Variants in LINGO2 observed in about 807,000 individuals in gnomAD.
LINGO2 encodes the protein leucine-rich repeat and immunoglobulin-like domain-containing nogo receptor-interacting protein 2.
Under a neutral mutation model 30.6 loss-of-function variants are expected in LINGO2, and 14 were observed. The observed-to-expected ratio is 0.46, with a 90% CI of 0.30 to 0.72. The LOEUF (loss-of-function observed/expected upper bound fraction) is 0.72. Ranked by LOEUF, LINGO2 falls within the 30% of genes least tolerant of loss-of-function variation. LINGO2 has a pLI of 0.07. For synonymous variants in LINGO2, 317 were observed against 288.5 expected (o/e 1.10, Z -1.00); for missense variants, 729 against 751.7 (o/e 0.97, Z 0.35).
At chr9:28,919,341 T>A in the LINGO2 span, among the ~76,000 whole-genome samples, 1 of 152,172 alleles carries the variant, frequency 6.6e-6, no homozygotes, top group Non-Finnish European at 1.5e-5. Context: ...CTACATTTTC[T>A]GCCTCAGTAG....
At chr9:28,243,469 A>AAG (rs1554691900) in intron 4 of LINGO2, among the ~76,000 whole-genome samples, 54 of 145,194 alleles carry the variant, frequency 3.7e-4, no homozygotes, top group Non-Finnish European at 5.8e-4. Flanking sequence ...AAAAATAAAA[A>AAG]AAGAAGAAGA....
the LINGO2 span, among the ~76,000 whole-genome samples, chr9:28,677,622 C>T: frequency 6.6e-6 from 1 of 152,156 alleles, no homozygotes; most frequent in Non-Finnish European, 1.5e-5. Context: ...ACTATACTGT[C>T]TAACGCTCTC....
At chr9:28,351,555 G>A (rs866534669) in intron 3 of LINGO2, among the ~76,000 whole-genome samples, 1,723 of 143,248 alleles carry the variant, frequency 0.012, 24 homozygotes, top group African/African-American at 0.043. Context: ...ATTCACAGCC[G>A]AATTCTACCA....
At chr9:28,605,022 G>T (rs2135759639) in intron 1 of LINGO2, among the ~76,000 whole-genome samples, 1 of 151,980 alleles carries the variant, frequency 6.6e-6, no homozygotes, top group Admixed American at 6.6e-5. Flanking sequence ...CTGAGGAATA[G>T]CTAAATCTGA....
intron 2 of LINGO2, among the ~76,000 whole-genome samples, chr9:28,471,651 C>A (rs1479613013): frequency 2.0e-5 from 3 of 152,134 alleles, no homozygotes; most frequent in African/African-American, 7.2e-5. Context: ...AAACAAAAAT[C>A]TCTGATAATT....
the LINGO2 span, among the ~76,000 whole-genome samples, chr9:28,841,808 C>A: frequency 6.6e-6 from 1 of 151,580 alleles, no homozygotes; most frequent in Non-Finnish European, 1.5e-5. Flanking sequence ...CAAGGTATAG[C>A]CACTCAAGAA....
intron 2 of LINGO2, among the ~76,000 whole-genome samples, chr9:28,415,688 G>A (rs1822939132): frequency 6.6e-6 from 1 of 152,114 alleles, no homozygotes; most frequent in South Asian, 2.1e-4. Context: ...GCTGTATCTT[G>A]TAACACTTTC....
At chr9:28,313,951 T>A (rs1824731641) in intron 3 of LINGO2, among the ~76,000 whole-genome samples, 1 of 152,122 alleles carries the variant, frequency 6.6e-6, no homozygotes, top group Admixed American at 6.5e-5. Context: ...TTTTTTTGTT[T>A]TAGATGGAGT....
At chr9:28,747,131 C>T in the LINGO2 span, among the ~76,000 whole-genome samples, 1 of 151,866 alleles carries the variant, frequency 6.6e-6, no homozygotes, top group Non-Finnish European at 1.5e-5. Flanking sequence ...ATCCTGTACC[C>T]ATATAAACCC....
the LINGO2 span, among the ~76,000 whole-genome samples, chr9:28,877,870 C>T: frequency 6.6e-6 from 1 of 152,148 alleles, no homozygotes; most frequent in African/African-American, 2.4e-5. Context: ...GATATTGATT[C>T]TTCCTACCAA....
In LINGO2 at chr9:28,631,198, T is replaced by C. The variant is rs548378294; in HGVS notation, c.-365+39002A>G. On this transcript the variant is annotated intron_variant, in intron 1 of 5. Coordinates refer to ENST00000379992, the Ensembl canonical transcript of LINGO2. ...ATTATACTTTAAGTTCTAGGGTACATGTGCACAAGGTGCAGGTTTGTTACA... is the reference window on the plus strand; with the variant it reads ...ATTATACTTTAAGTTCTAGGGTACACGTGCACAAGGTGCAGGTTTGTTACA... Among the ~76,000 whole-genome samples the C allele has an allele frequency of 1.8e-4, 27 of 152,162 alleles. No individual in the cohort carries two copies. The South Asian group carries it at 5.0e-3, about 28-fold the overall frequency.
chr9:28,179,607 G>GTATATATACTATATATAGTATTTTATAC (rs1828854563), intron 4 of LINGO2, among the ~76,000 whole-genome samples: 4 of 122,850 alleles, frequency 3.3e-5, no homozygotes, highest in African/African-American at 8.8e-5. Context: ...ATACTATAGT[G>GTATATATACTATATATAGTATTTTATAC]TATATATACT....
chr9:28,010,023 AAAG>A (rs1408346563), intron 5 of LINGO2, among the ~76,000 whole-genome samples: 2 of 152,214 alleles, frequency 1.3e-5, no homozygotes, highest in Non-Finnish European at 2.9e-5. Context: ...GTATCTATGC[AAAG>A]AAGTATCCTT....
At chr9:28,108,603 A>C (rs1826669346) in intron 4 of LINGO2, among the ~76,000 whole-genome samples, 1 of 152,080 alleles carries the variant, frequency 6.6e-6, no homozygotes, top group South Asian at 2.1e-4. Context: ...GCCTCTTAGT[A>C]CTTCCCTCTT....
intron 3 of LINGO2, among the ~76,000 whole-genome samples, chr9:28,307,823 A>G: frequency 6.6e-6 from 1 of 152,198 alleles, no homozygotes; most frequent in Non-Finnish European, 1.5e-5. Context: ...GTGAACTCCT[A>G]TTCACAATTG....
chr9:29,052,131 T>C, the LINGO2 span, among the ~76,000 whole-genome samples: 2 of 152,122 alleles, frequency 1.3e-5, no homozygotes, highest in Admixed American at 6.6e-5. Flanking sequence ...TAAATAACAA[T>C]AGAATCTTAT....
the LINGO2 span, among the ~76,000 whole-genome samples, chr9:28,985,783 C>T: frequency 6.6e-6 from 1 of 151,958 alleles, no homozygotes; most frequent in African/African-American, 2.4e-5. Flanking sequence ...CAGAATGCAT[C>T]GTTTGCAAAT....
chr9:28,583,604 A>C (rs1008689696), intron 1 of LINGO2, among the ~76,000 whole-genome samples: 2 of 151,982 alleles, frequency 1.3e-5, no homozygotes, highest in Non-Finnish European at 1.5e-5. Flanking sequence ...TAAAGAAAAA[A>C]ATTTTTCTTT....
Position 28,185,472 on chromosome 9 carries a change from A to C in LINGO2, c.-87+109736T>G, listed in dbSNP as rs547240175. Among the ~76,000 whole-genome samples the C allele has an allele frequency of 2.0e-5, 3 of 152,270 alleles. No individual in the cohort carries two copies. The South Asian group carries it at 6.2e-4, about 32-fold the overall frequency. On this transcript the variant is annotated intron_variant, in intron 4 of 5. Coordinates refer to ENST00000379992, the Ensembl canonical transcript of LINGO2. ...AACTTTAGAAAATGTGGCCTAGTTT[A>C]TGCCCTTCATGATATATCACACTCA...
Sources: gnomAD v4.1 joint callset for allele counts (sites outside exome capture counted in the v4.1 genomes callset) on GRCh38, gnomAD v4.1.1 for gene constraint, MANE v1.5 for transcripts, NCBI Gene and HGNC (gene_info 2026-07-23, HGNC 2026-07-21) for gene names.